PLEKHS1: variants seen among roughly 807,000 people sequenced by gnomAD.
The protein encoded by PLEKHS1 is pleckstrin homology domain-containing family S member 1.
In PLEKHS1, 55 loss-of-function variants were observed where a neutral mutation model predicts 51.0. The ratio of observed to expected loss-of-function variants is 1.08; its 90% CI spans 0.87 to 1.35. The LOEUF (loss-of-function observed/expected upper bound fraction) is 1.35. Ranked by LOEUF, PLEKHS1 falls within the 40% of genes most tolerant of loss-of-function variation. The pLI is 0.00. For synonymous variants in PLEKHS1, 153 were observed against 144.8 expected (o/e 1.06, Z -0.41); for missense variants, 398 against 423.0 (o/e 0.94, Z 0.52).
chr10:113,754,035 T>C (rs1326450389), intron 1 of PLEKHS1, among the ~76,000 whole-genome samples: 1 of 152,122 alleles, frequency 6.6e-6, no homozygotes, highest in African/African-American at 2.4e-5. Flanking sequence ...CTGGAATTCC[T>C]GACCTCAAAC....
chr10:113,768,753 T>C, intron 5 of PLEKHS1, 62 bp from the exon 6 acceptor site: 1 of 1,318,116 alleles, frequency 7.6e-7, no homozygotes, highest in Non-Finnish European at 1.1e-6. Context: ...AAAGAATCCT[T>C]CTCTGGTTCA....
At chr10:113,766,532 A>G in intron 3 of PLEKHS1, 33 bp downstream of exon 3, 1 of 1,579,354 alleles carries the variant, frequency 6.3e-7, no homozygotes, top group Non-Finnish European at 8.7e-7. Context: ...CAAGCCTCCC[A>G]CCAGCCTCAT....
intron 2 of PLEKHS1, 78 bp downstream of exon 2, chr10:113,755,383 A>G: frequency 6.5e-7 from 1 of 1,547,132 alleles, no homozygotes; most frequent in East Asian, 2.3e-5. Context: ...GCTAACCAGG[A>G]TACAGAACTT....
intron 2 of PLEKHS1, among the ~76,000 whole-genome samples, chr10:113,762,644 A>G (rs928763258): frequency 2.0e-5 from 3 of 152,020 alleles, no homozygotes; most frequent in African/African-American, 7.2e-5. Context: ...TTATTGATTT[A>G]TAATTTGATT....
At chr10:113,767,873 T>C (rs1474626692) in intron 5 of PLEKHS1, among the ~76,000 whole-genome samples, 1 of 152,174 alleles carries the variant, frequency 6.6e-6, no homozygotes. Flanking sequence ...CATGGCGTTC[T>C]CCCTGTGTGC....
rs1049262120 is a variant in PLEKHS1 at position 113,780,859 on chromosome 10, T to C, written c.*257T>C. ...TCTGCCCCCTGCTGCTGCCATGTGA[T>C]AGGAGACAGTCGGCACCCCCCTCTG... On this transcript the variant is annotated 3_prime_UTR_variant, in exon 12 of 12. Transcript: ENST00000361048. The C allele has an allele frequency of 3.0e-5, 41 of 1,346,172 alleles. No homozygotes were observed. In the East Asian group the frequency reaches 7.8e-4, roughly 26 times the overall value. 83.4% of individuals were successfully genotyped at this position (1,346,172 alleles called of 1,614,324 possible).
At chr10:113,757,087 G>A (rs1345920063) in intron 2 of PLEKHS1, among the ~76,000 whole-genome samples, 3 of 151,968 alleles carry the variant, frequency 2.0e-5, no homozygotes, top group Non-Finnish European at 4.4e-5. Flanking sequence ...ATTTTTTTGT[G>A]TGTTTTTAGT....
chr10:113,775,227 C>G (rs1436499016), intron 10 of PLEKHS1, among the ~76,000 whole-genome samples, 192 bp downstream of exon 10: 2 of 151,990 alleles, frequency 1.3e-5, no homozygotes, highest in Non-Finnish European at 2.9e-5. Context: ...TCAAGTAAAG[C>G]AGTTCCTGGG....
At chr10:113,766,860 G>T in intron 4 of PLEKHS1, 142 bp downstream of exon 4, 1 of 619,104 alleles carries the variant, frequency 1.6e-6, no homozygotes. Flanking sequence ...CTGAATAGGA[G>T]CTAAAATAGT....
intron 11 of PLEKHS1, 28 bp from the exon 12 acceptor site, chr10:113,777,096 G>C (rs1193334362): frequency 6.2e-7 from 1 of 1,610,546 alleles, no homozygotes; most frequent in East Asian, 2.2e-5. Context: ...GCCTCACACT[G>C]GTATTGGATG....
intron 11 of PLEKHS1, among the ~76,000 whole-genome samples, chr10:113,779,653 T>A (rs1469087102): frequency 6.6e-6 from 1 of 151,682 alleles, no homozygotes; most frequent in African/African-American, 2.4e-5. Flanking sequence ...TACCAAACAC[T>A]ACTCTGACCC....
rs146624471 is a variant in PLEKHS1 at position 113,773,596 on chromosome 10, C to T, written c.673-631C>T. Reference sequence around the variant, plus strand: ...GGCACTCGAGGTGAAGAAGAGAGCACGAACATGGCGATGGAACAGCACCAT... The same window carrying T: ...GGCACTCGAGGTGAAGAAGAGAGCATGAACATGGCGATGGAACAGCACCAT... On this transcript the variant is annotated intron_variant, in intron 8 of 11. Coordinates refer to ENST00000361048, the Ensembl canonical transcript of PLEKHS1. Among the ~76,000 whole-genome samples the T allele has an allele frequency of 5.6e-4, 85 of 152,156 alleles. 1 individual carries two copies. Among genetic ancestry groups the T allele is most frequent in the Non-Finnish European group, 3.1e-4 (21 of 68,022 alleles).
intron 5 of PLEKHS1, among the ~76,000 whole-genome samples, chr10:113,768,215 G>A (rs1373460396): frequency 6.6e-6 from 1 of 152,114 alleles, no homozygotes; most frequent in Non-Finnish European, 1.5e-5. Flanking sequence ...TTTTTAAGAG[G>A]GGCTTCTGGT....
At chr10:113,775,925 C>G in intron 11 of PLEKHS1, 59 bp downstream of exon 11, 1 of 1,283,798 alleles carries the variant, frequency 7.8e-7, no homozygotes, top group Admixed American at 1.9e-5. Context: ...TTGAAGAGAA[C>G]AATTACATCT....
At chr10:113,774,234 A>G (rs1244548700) in exon 9 of PLEKHS1, 6 of 1,592,582 alleles carry the variant, frequency 3.8e-6, no homozygotes, top group Non-Finnish European at 5.1e-6. Flanking sequence ...CAGTTGGATA[A>G]TATCATTGCT....
intron 5 of PLEKHS1, among the ~76,000 whole-genome samples, chr10:113,767,685 T>C (rs1844226758): frequency 6.6e-6 from 1 of 152,230 alleles, no homozygotes; most frequent in African/African-American, 2.4e-5. Flanking sequence ...AACCTCATCC[T>C]GGATAACTTT....
chr10:113,769,698 G>C, intron 6 of PLEKHS1, 86 bp from the exon 7 acceptor site: 1 of 816,190 alleles, frequency 1.2e-6, no homozygotes, highest in Non-Finnish European at 2.1e-6. Context: ...GAAAAGACAG[G>C]AGGCAAGGAG....
At chr10:113,773,716 A>G (rs1844524189) in intron 8 of PLEKHS1, among the ~76,000 whole-genome samples, 1 of 152,156 alleles carries the variant, frequency 6.6e-6, no homozygotes, top group African/African-American at 2.4e-5. Flanking sequence ...GTTTTTGAGC[A>G]ATCATTGCCA....
chr10:113,762,512 G>A (rs1843987950), intron 2 of PLEKHS1, among the ~76,000 whole-genome samples: 1 of 150,832 alleles, frequency 6.6e-6, no homozygotes, highest in Non-Finnish European at 1.5e-5. Context: ...CTGCTTTAGT[G>A]GCATCCACAA....
Sources: gnomAD v4.1 joint callset for allele counts (sites outside exome capture counted in the v4.1 genomes callset) on GRCh38, gnomAD v4.1.1 for gene constraint, MANE v1.5 for transcripts, NCBI Gene and HGNC (gene_info 2026-07-23, HGNC 2026-07-21) for gene names.